Variants in MTO1 observed in about 807,000 individuals in gnomAD.
The protein encoded by MTO1 is 5-taurinomethyluridine-[tRNA] synthase subunit MTO1, mitochondrial.
A neutral mutation model predicts 71.6 loss-of-function variants in MTO1; 46 were observed. The observed-to-expected ratio is 0.64, with a 90% CI of 0.51 to 0.82. The LOEUF is 0.82. Among genes scored for constraint, MTO1 ranks in the 40% least tolerant of loss-of-function variants. MTO1 has a pLI of 0.00. For missense variants in MTO1, 773 were observed against 867.5 expected, an observed-to-expected ratio of 0.89 and a Z score of 1.37; for synonymous variants, 297 against 312.1, an observed-to-expected ratio of 0.95 and a Z score of 0.51.
intron 9 of MTO1, among the ~76,000 whole-genome samples, chr6:73,483,674 A>G (rs748406049): frequency 4.0e-5 from 6 of 151,812 alleles, no homozygotes; most frequent in Non-Finnish European, 8.8e-5. Context: ...CTAGAGTGCA[A>G]TGGTGCGATC....
intron 9 of MTO1, chr6:73,487,788 A>C (rs1771696870): frequency 6.6e-6 from 1 of 151,422 alleles, no homozygotes. Context: ...AGCGTAGAGC[A>C]CTACAGTCCA....
rs1223396036 is a variant in MTO1 at position 73,503,872 on chromosome 6, T to G, written c.*3137T>G. On this transcript the variant is annotated 3_prime_UTR_variant, in exon 12 of 12. Transcript: ENST00000498286. The stretch of plus-strand genomic sequence containing the variant: ...GAGCTTAAATTTTGTTACTGATGGT[T>G]TTAAAAGTATTTTGTCATTTTTTAG... 2.0e-5 allele frequency: 3 copies of G among 152,190 alleles called. No homozygotes were observed. The highest frequency in any genetic ancestry group is 4.4e-5 in the Non-Finnish European group (3 of 68,026). 9.4% of individuals were successfully genotyped at this position (152,190 alleles called of 1,614,324 possible). A position where few individuals can be genotyped will look rare whatever the true frequency, so the allele number is the denominator to read the frequency against.
At chr6:73,477,421 T>C (rs1041449773) in intron 4 of MTO1, among the ~76,000 whole-genome samples, 4 of 146,372 alleles carry the variant, frequency 2.7e-5, no homozygotes, top group African/African-American at 1.0e-4. Context: ...AAAAAGAAAT[T>C]CGGAGAATTT....
chr6:73,473,424 G>A lies in MTO1; in HGVS notation c.595G>A (p.Gly199Ser). The part of the protein sequence containing the change: ...VILTTGTFLR[G>S]MIVIGLETHP... ...TCTGACTACTGGGACATTTCTGAGA[G>A]GCATGATTGTAATTGGATTGGAGAC... Residue 199 changes from glycine to serine, a missense_variant, in exon 4 of 12, where the codon GGC (glycine) becomes AGC (serine). By Grantham distance (56) the Gly-to-Ser change is moderately conservative. Coordinates refer to ENST00000498286, the MANE Select transcript of MTO1 (RefSeq NM_012123.4). 2 of 1,614,178 alleles carry A rather than the reference G, an allele frequency of 1.2e-6. No homozygotes were observed. The highest frequency in any genetic ancestry group is 1.7e-6 in the Non-Finnish European group (2 of 1,180,048).
At chr6:73,495,260 T>C (rs1260199123) in intron 10 of MTO1, among the ~76,000 whole-genome samples, 1 of 152,176 alleles carries the variant, frequency 6.6e-6, no homozygotes, top group Non-Finnish European at 1.5e-5. Context: ...ACTAGCAATA[T>C]ATTAAGGTAG....
chr6:73,490,231 C>T (rs1055858339), intron 9 of MTO1, among the ~76,000 whole-genome samples: 3 of 152,084 alleles, frequency 2.0e-5, no homozygotes, highest in South Asian at 4.1e-4. Flanking sequence ...TTCTCCCATT[C>T]TGTAGGTTGC....
chr6:73,499,521 C>CAA (rs200492522), intron 11 of MTO1, among the ~76,000 whole-genome samples: 20,577 of 108,468 alleles, frequency 0.19, 1,580 homozygotes, highest in Middle Eastern at 0.27. Context: ...AACCCTGTCT[C>CAA]AAAAAAAAAA....
chr6:73,471,371 G>A (rs1771157841), intron 3 of MTO1: 14 of 405,886 alleles, frequency 3.4e-5, no homozygotes, highest in Non-Finnish European at 6.2e-5. Context: ...CAGATTTAAT[G>A]GTTATATTGT....
In MTO1 at chr6:73,473,003, C is replaced by T. The variant is rs142439237; in HGVS notation, c.536-362C>T. On this transcript the variant is annotated intron_variant, in intron 3 of 11. Transcript: ENST00000498286. ...TTAAAAAATGACTTTAGGCCGGGCG[C>T]GGTGGCTCACGCCTGTAAGTAATCC... is the stretch of plus-strand genomic sequence containing the variant. 4.6e-3 allele frequency among the ~76,000 whole-genome samples: 699 copies of T among 152,288 alleles called. 6 individuals carry two copies. Among genetic ancestry groups the T allele is most frequent in the African/African-American group, 0.016 (671 of 41,574 alleles).
chr6:73,498,587 T>A (rs1414425170), intron 11 of MTO1, among the ~76,000 whole-genome samples: 1 of 152,016 alleles, frequency 6.6e-6, no homozygotes, highest in Non-Finnish European at 1.5e-5. Context: ...TATATGCATG[T>A]TCCTTTGTGT....
In MTO1 at chr6:73,503,205, C is replaced by G. The variant is rs1187296154; in HGVS notation, c.*2470C>G. 1.3e-5 allele frequency: 2 copies of G among 152,070 alleles called. No homozygotes were observed. Among genetic ancestry groups the G allele is most frequent in the East Asian group, 3.9e-4 (2 of 5,164 alleles). The allele number at this position is 152,070 out of a possible 1,614,324, so 9.4% of individuals were successfully genotyped here. A position where few individuals can be genotyped will look rare whatever the true frequency, so the allele number is the denominator to read the frequency against. Reference sequence around the variant, plus strand: ...CTCACTGCAGCCTTGATCTCCTGGGCTCAAGTGATCCTTATGCCTCAGCCT... The same window carrying G: ...CTCACTGCAGCCTTGATCTCCTGGGGTCAAGTGATCCTTATGCCTCAGCCT... On this transcript the variant is annotated 3_prime_UTR_variant, in exon 12 of 12. Coordinates refer to ENST00000498286, the MANE Select transcript of MTO1 (RefSeq NM_012123.4).
intron 7 of MTO1, 164 bp downstream of exon 7, chr6:73,480,969 GTTTTTTTTTTT>G: frequency 8.7e-6 from 2 of 229,466 alleles, no homozygotes; most frequent in South Asian, 3.2e-5. Context: ...AGATAATAGG[GTTTTTTTTTTT>G]TTTTTTTTTT....
chr6:73,499,201 C>G (rs1039495996), intron 11 of MTO1, among the ~76,000 whole-genome samples: 3 of 151,806 alleles, frequency 2.0e-5, no homozygotes, highest in African/African-American at 4.8e-5. Flanking sequence ...AGATGGTATT[C>G]TTAGCAACAG....
chr6:73,498,172 C>T (rs1772049622), intron 11 of MTO1, among the ~76,000 whole-genome samples: 1 of 151,794 alleles, frequency 6.6e-6, no homozygotes, highest in Non-Finnish European at 1.5e-5. Flanking sequence ...GATTGCACGA[C>T]TGCACTCCAG....
intron 7 of MTO1, among the ~76,000 whole-genome samples, chr6:73,481,626 G>A (rs1460565069): frequency 1.3e-5 from 2 of 152,024 alleles, no homozygotes; most frequent in Non-Finnish European, 2.9e-5. Flanking sequence ...AAATTAGCCA[G>A]GTGTGACGGC....
At chr6:73,477,393 C>CAAAAAAA in intron 4 of MTO1, among the ~76,000 whole-genome samples, 1 of 73,202 alleles carries the variant, frequency 1.4e-5, no homozygotes, top group Non-Finnish European at 2.6e-5. Context: ...GACTATGTCT[C>CAAAAAAA]AAAAAAAAAA....
At chr6:73,490,102 T>G (rs1771765068) in intron 9 of MTO1, among the ~76,000 whole-genome samples, 1 of 152,216 alleles carries the variant, frequency 6.6e-6, no homozygotes, top group African/African-American at 2.4e-5. Flanking sequence ...GAGAAGTGTG[T>G]GTTCATATCC....
At chr6:73,475,678 C>T (rs1425591672) in intron 4 of MTO1, among the ~76,000 whole-genome samples, 1 of 152,040 alleles carries the variant, frequency 6.6e-6, no homozygotes, top group Non-Finnish European at 1.5e-5. Flanking sequence ...CCACACCTGG[C>T]TAATTTTGTA....
intron 10 of MTO1, chr6:73,492,885 A>G (rs1285740687): frequency 1.3e-5 from 2 of 151,794 alleles, no homozygotes; most frequent in Non-Finnish European, 2.9e-5. Context: ...CTATATTTAA[A>G]CATGCTTTTC....
Sources: gnomAD v4.1 joint callset for allele counts (sites outside exome capture counted in the v4.1 genomes callset) on GRCh38, gnomAD v4.1.1 for gene constraint, MANE v1.5 for transcripts, NCBI Gene and HGNC (gene_info 2026-07-23, HGNC 2026-07-21) for gene names.